SULF1: variants seen among roughly 807,000 people sequenced by gnomAD.
SULF1 encodes the protein sulfatase 1.
In SULF1, 46 loss-of-function variants were observed where a neutral mutation model predicts 110.5. The observed-to-expected ratio is 0.42, with a 90% CI of 0.33 to 0.53. The LOEUF is 0.53. SULF1 is among the 20% of genes least tolerant of loss of function. The pLI, the probability that SULF1 is intolerant of heterozygous loss-of-function variation, is 0.12. For missense variants in SULF1, 941 were observed against 1,094.2 expected (o/e 0.86, Z 1.98); for synonymous variants, 371 against 387.1 (o/e 0.96, Z 0.49).
chr8:69,489,628 G>A (rs1340159188), upstream of SULF1, among the ~76,000 whole-genome samples: 1 of 137,280 alleles, frequency 7.3e-6, no homozygotes, highest in East Asian at 2.3e-4. Context: ...CCAGGCTGGA[G>A]TGCAGAGGGG....
intron 6 of SULF1, among the ~76,000 whole-genome samples, chr8:69,577,068 A>G (rs1438944318): frequency 1.3e-5 from 2 of 152,202 alleles, no homozygotes; most frequent in African/African-American, 4.8e-5. Context: ...GGCACTTAAT[A>G]CTTGTTATTT....
intron 5 of SULF1, among the ~76,000 whole-genome samples, chr8:69,571,738 A>C (rs1478412984): frequency 6.6e-6 from 1 of 152,232 alleles, no homozygotes; most frequent in Non-Finnish European, 1.5e-5. Context: ...GAGTTTTATT[A>C]CAGAATCATT....
intron 1 of SULF1, 52 bp from the exon 2 acceptor site, chr8:69,495,713 A>T (rs958671027): frequency 6.6e-6 from 1 of 152,262 alleles, no homozygotes; most frequent in African/African-American, 2.4e-5. Context: ...CATAAAAAGC[A>T]CATATGCATG....
At chr8:69,594,739 A>G (rs1052472805) in intron 8 of SULF1, among the ~76,000 whole-genome samples, 1 of 152,176 alleles carries the variant, frequency 6.6e-6, no homozygotes, top group Non-Finnish European at 1.5e-5. Context: ...TTTGGGCAGA[A>G]CTCATTGCTC....
intron 19 of SULF1, 140 bp from the exon 20 acceptor site, chr8:69,638,362 T>G: frequency 9.9e-7 from 1 of 1,007,896 alleles, no homozygotes; most frequent in Non-Finnish European, 1.4e-6. Flanking sequence ...GTATTATTAT[T>G]CTTAACATGA....
chr8:69,622,910 G>C (rs1356840171), intron 14 of SULF1, among the ~76,000 whole-genome samples: 1 of 152,128 alleles, frequency 6.6e-6, no homozygotes, highest in African/African-American at 2.4e-5. Context: ...GGAAACTGCA[G>C]GATTCAGCTG....
At chr8:69,627,067 G>A (rs908723238) in intron 15 of SULF1, 143 bp from the exon 16 acceptor site, 12 of 633,246 alleles carry the variant, frequency 1.9e-5, no homozygotes, top group Non-Finnish European at 3.4e-5. Context: ...TATTCCCATT[G>A]ATGCTGGTCT....
intron 5 of SULF1, among the ~76,000 whole-genome samples, chr8:69,570,417 G>T (rs10101068): frequency 0.32 from 49,075 of 152,056 alleles, 8,131 homozygotes; most frequent in Middle Eastern, 0.41. Context: ...TATATGTATC[G>T]GGAAAGGTAA....
chr8:69,529,560 G>A (rs1409403679), intron 3 of SULF1, among the ~76,000 whole-genome samples: 8 of 152,164 alleles, frequency 5.3e-5, no homozygotes, highest in East Asian at 1.9e-4. Flanking sequence ...ATGTGGGAGC[G>A]GCTTGGCTGG....
chr8:69,597,376 T>C (rs937379970), intron 8 of SULF1: 14 of 152,190 alleles, frequency 9.2e-5, no homozygotes, highest in African/African-American at 3.4e-4. Flanking sequence ...AAAAGGCACA[T>C]GCACACTCTG....
In SULF1 at chr8:69,659,226, A is replaced by C; in HGVS notation, c.*691A>C. 2.2e-6 allele frequency: 1 copy of C among 456,556 alleles called. No individual in the cohort carries two copies. The highest frequency in any genetic ancestry group is 4.4e-6 in the Non-Finnish European group (1 of 226,874). The allele number at this position is 456,556 out of a possible 1,614,324, so 28.3% of individuals were successfully genotyped here. On this transcript the variant is annotated 3_prime_UTR_variant, in exon 23 of 23. Coordinates refer to ENST00000402687, the MANE Select transcript of SULF1 (RefSeq NM_001128205.2). ...CAGAACACCGAAGTAATTCCAGCAT[A>C]GCGGGGAAGATGTTGACCAAGGTGG...
chr8:69,508,156 A>G (rs899254993), intron 3 of SULF1, among the ~76,000 whole-genome samples: 3 of 143,486 alleles, frequency 2.1e-5, no homozygotes, highest in African/African-American at 9.0e-5. Flanking sequence ...CCCAGGCTGA[A>G]GTGCAATGGC....
At chr8:69,589,187 C>A in intron 8 of SULF1, 46 bp downstream of exon 8, 1 of 1,569,950 alleles carries the variant, frequency 6.4e-7, no homozygotes, top group Non-Finnish European at 8.7e-7. Flanking sequence ...ATGCCTTTCC[C>A]TTTTCTCCTC....
intron 3 of SULF1, among the ~76,000 whole-genome samples, chr8:69,536,393 C>T (rs189552306): frequency 6.6e-6 from 1 of 152,172 alleles, no homozygotes; most frequent in Non-Finnish European, 1.5e-5. Context: ...TTTGTGTAAA[C>T]TCCATGATCC....
intron 22 of SULF1, among the ~76,000 whole-genome samples, chr8:69,657,807 C>G (rs1050598433): frequency 1.3e-5 from 2 of 152,164 alleles, no homozygotes; most frequent in Non-Finnish European, 2.9e-5. Context: ...TTATTTTCTG[C>G]AGGGCTACAG....
At chr8:69,635,315 G>C (rs1050560151) in intron 19 of SULF1, among the ~76,000 whole-genome samples, 2 of 152,202 alleles carry the variant, frequency 1.3e-5, no homozygotes, top group Non-Finnish European at 2.9e-5. Context: ...TGACAATGAT[G>C]TCTCAATATA....
Position 69,638,526 on chromosome 8 carries a change from G to A in SULF1, c.2309G>A (p.Ser770Asn). Residue 770 changes from serine to asparagine, a missense_variant, in exon 20 of 23, where the codon AGT becomes AAT. Ser to Asn is a conservative substitution (Grantham distance 46). Coordinates refer to ENST00000402687, the MANE Select transcript of SULF1 (RefSeq NM_001128205.2). ...WNLGSFCACT[S>N]SNNNTYWCLR... Reference sequence around the variant, plus strand: ...GTGGGATCTTTCTGTGCTTGCACGAGTTCTAACAATAACACCTACTGGTGT... The same window carrying A: ...GTGGGATCTTTCTGTGCTTGCACGAATTCTAACAATAACACCTACTGGTGT... 6.2e-7 allele frequency: 1 copy of A among 1,613,020 alleles called. No homozygotes were observed. The highest frequency in any genetic ancestry group is 2.2e-5 in the East Asian group (1 of 44,874).
chr8:69,639,500 T>A (rs971942005), intron 21 of SULF1, among the ~76,000 whole-genome samples: 5 of 152,230 alleles, frequency 3.3e-5, no homozygotes, highest in Non-Finnish European at 5.9e-5. Context: ...CTTTTCAGTG[T>A]CCGCCCCAGC....
intron 1 of SULF1, among the ~76,000 whole-genome samples, chr8:69,483,986 C>A (rs1047170197): frequency 1.3e-5 from 2 of 152,126 alleles, no homozygotes; most frequent in African/African-American, 4.8e-5. Flanking sequence ...ATAGAATTAT[C>A]TTGGTCCCAG....
Sources: gnomAD v4.1 joint callset for allele counts (sites outside exome capture counted in the v4.1 genomes callset) on GRCh38, gnomAD v4.1.1 for gene constraint, MANE v1.5 for transcripts, NCBI Gene and HGNC (gene_info 2026-07-23, HGNC 2026-07-21) for gene names.